Variants in CLIC5 observed in about 807,000 individuals in gnomAD.
CLIC5 encodes chloride intracellular channel protein 5.
Under a neutral mutation model 24.7 loss-of-function variants are expected in CLIC5, and 20 were observed. The observed-to-expected ratio is 0.81, with a 90% CI of 0.57 to 1.18. The LOEUF is 1.18. CLIC5 is among the 50% of genes most tolerant of loss of function. CLIC5 has a pLI of 0.00. For missense variants in CLIC5, 341 were observed against 326.1 expected, an observed-to-expected ratio of 1.05 and a Z score of -0.35; for synonymous variants, 159 against 135.6, an observed-to-expected ratio of 1.17 and a Z score of -1.20.
At position 45,891,808 on chromosome 6, in the gene CLIC5, G is replaced by A. The variant is rs1459342663; in HGVS notation, c.624-10620C>T. On this transcript the variant is annotated intron_variant, in intron 6 of 6. Coordinates refer to the CLIC5 transcript ENST00000644324. ...TTTTTATTGCAATGACTTTTGAATT[G>A]CATGACTTTTCTTTTACTGTGTATG... 2.6e-5 allele frequency among the ~76,000 whole-genome samples: 4 copies of A among 152,122 alleles called. No homozygotes were observed. The East Asian group carries it at 7.7e-4, about 29-fold the overall frequency.
At chr6:46,108,401 T>TGAGAGAGA in the CLIC5 span, among the ~76,000 whole-genome samples, 3 of 141,672 alleles carry the variant, frequency 2.1e-5, no homozygotes, top group Admixed American at 7.0e-5. Context: ...TGTGTGTGTG[T>TGAGAGAGA]GAGAGAGAGA....
chr6:45,992,411 A>T (rs1535109), intron 1 of CLIC5, among the ~76,000 whole-genome samples: 2 of 152,072 alleles, frequency 1.3e-5, no homozygotes, highest in Admixed American at 1.3e-4. Flanking sequence ...TAAGAATGAC[A>T]GTTTATTTTA....
chr6:46,058,048 C>T (rs1213583444), intron 1 of CLIC5, among the ~76,000 whole-genome samples: 2 of 151,718 alleles, frequency 1.3e-5, no homozygotes, highest in Non-Finnish European at 2.9e-5. Context: ...CTTCTCCACA[C>T]ATTATCACTT....
intron 4 of CLIC5, among the ~76,000 whole-genome samples, chr6:45,924,271 C>T (rs1011197203): frequency 3.9e-5 from 6 of 152,144 alleles, no homozygotes; most frequent in Non-Finnish European, 7.3e-5. Flanking sequence ...GTCCCCCAGC[C>T]GAAAGCCTTC....
In CLIC5 at chr6:46,008,874, C is replaced by T. The variant is rs183785700; in HGVS notation, c.63+6606G>A. On this transcript the variant is annotated intron_variant, in intron 1 of 5. Coordinates refer to ENST00000339561, the MANE Select transcript of CLIC5 (RefSeq NM_016929.5). ...CCTGTGAAATGCTTGTTTGAAGTAG[C>T]GACTGGACCATATTTTGTCCTTTTG... Among the ~76,000 whole-genome samples, 9 of 152,260 alleles carry T rather than the reference C, an allele frequency of 5.9e-5. No individual in the cohort carries two copies. The East Asian group carries it at 1.5e-3, about 26-fold the overall frequency.
chr6:46,045,975 C>T (rs1767941925), intron 1 of CLIC5, among the ~76,000 whole-genome samples: 2 of 152,164 alleles, frequency 1.3e-5, no homozygotes, highest in Non-Finnish European at 2.9e-5. Flanking sequence ...TGACAATCGC[C>T]TTACCTGTGT....
intron 5 of CLIC5, among the ~76,000 whole-genome samples, chr6:45,910,586 G>A (rs1762788831): frequency 6.6e-6 from 1 of 152,284 alleles, no homozygotes; most frequent in South Asian, 2.1e-4. Context: ...ATTTATTACA[G>A]TCCTTGCTTT....
At chr6:45,916,098 AG>A (rs1415534632) in intron 4 of CLIC5, among the ~76,000 whole-genome samples, 26 of 152,212 alleles carry the variant, frequency 1.7e-4, no homozygotes, top group African/African-American at 6.3e-4. Flanking sequence ...TTTTCATAGA[AG>A]GCCTTTTGTT....
Position 46,055,304 on chromosome 6 carries a change from C to T in CLIC5, c.540+24399G>A, listed in dbSNP as rs185980337. ...TTTTAGTAGAGACGGTGTTTCACCA[C>T]GTTGGCCAGGCTGGCTTGGAACTCC... On this transcript the variant is annotated intron_variant, in intron 1 of 5. Coordinates refer to the CLIC5 transcript ENST00000185206. Among the ~76,000 whole-genome samples the T allele has an allele frequency of 1.2e-4, 19 of 152,256 alleles. No individual in the cohort carries two copies. In the East Asian group the frequency reaches 1.6e-3, roughly 12 times the overall value.
chr6:46,057,322 A>G (rs1055378036), intron 1 of CLIC5, among the ~76,000 whole-genome samples: 30 of 152,208 alleles, frequency 2.0e-4, no homozygotes, highest in African/African-American at 7.2e-4. Flanking sequence ...TGGGTTTATC[A>G]GGAATTTCTG....
At chr6:45,924,507 T>G (rs571243767) in intron 4 of CLIC5, among the ~76,000 whole-genome samples, 2 of 152,316 alleles carry the variant, frequency 1.3e-5, no homozygotes, top group South Asian at 4.1e-4. Context: ...TTGCATCTCC[T>G]AAAGTTTGAA....
At chr6:45,997,123 G>A (rs1766173298) in intron 1 of CLIC5, among the ~76,000 whole-genome samples, 1 of 150,712 alleles carries the variant, frequency 6.6e-6, no homozygotes. Context: ...AACAATGATA[G>A]ACTGGATTAA....
intron 6 of CLIC5, among the ~76,000 whole-genome samples, chr6:45,891,574 T>TG (rs5875941): frequency 0.52 from 78,446 of 150,538 alleles, 21,181 homozygotes; most frequent in African/African-American, 0.67. Context: ...AGGCAGAGGT[T>TG]CAGTGAGGCG....
chr6:46,075,781 T>A (rs935327409), intron 1 of CLIC5, among the ~76,000 whole-genome samples: 1 of 152,160 alleles, frequency 6.6e-6, no homozygotes, highest in African/African-American at 2.4e-5. Context: ...TCACCACCCA[T>A]CCCCTCTCTT....
intron 1 of CLIC5, among the ~76,000 whole-genome samples, chr6:46,010,240 C>T (rs1215059955): frequency 1.3e-5 from 2 of 152,142 alleles, no homozygotes; most frequent in Non-Finnish European, 2.9e-5. Flanking sequence ...AGCCCAAGGG[C>T]TTTACTTTTA....
chr6:45,941,734 C>G (rs1764139685), intron 3 of CLIC5, 81 bp from the exon 4 acceptor site: 1 of 1,023,580 alleles, frequency 9.8e-7, no homozygotes, highest in Non-Finnish European at 1.5e-6. Context: ...TCATGATAAG[C>G]AATACTTCCC....
chr6:45,921,369 T>A (rs111270302), intron 4 of CLIC5, among the ~76,000 whole-genome samples: 7 of 152,214 alleles, frequency 4.6e-5, no homozygotes, highest in African/African-American at 1.7e-4. Context: ...AAACAGAGAA[T>A]CTGGGTCGAG....
chr6:45,899,203 G>A lies in CLIC5; in HGVS notation c.*3885C>T, dbSNP rs1360797680. On this transcript the variant is annotated 3_prime_UTR_variant, in exon 6 of 6. Transcript: ENST00000339561. ...TGTGCAGCAGGTCCTGTTCGCTTAA[G>A]TTTTCCTAACATCAGAATCAGGGTG... The A allele has an allele frequency of 6.6e-6, 1 of 152,126 alleles. No homozygotes were observed. The highest frequency in any genetic ancestry group is 1.5e-5 in the Non-Finnish European group (1 of 68,020). The allele number at this position is 152,126 out of a possible 1,614,324, so 9.4% of individuals were successfully genotyped here.
intron 2 of CLIC5, 27 bp from the exon 3 acceptor site, chr6:45,949,408 T>C (rs1411889739): frequency 2.5e-6 from 4 of 1,606,716 alleles, no homozygotes; most frequent in Non-Finnish European, 2.6e-6. Flanking sequence ...ATTCAGGTGT[T>C]GGCTTACAGC....
Sources: gnomAD v4.1 joint callset for allele counts (sites outside exome capture counted in the v4.1 genomes callset) on GRCh38, gnomAD v4.1.1 for gene constraint, MANE v1.5 for transcripts, NCBI Gene and HGNC (gene_info 2026-07-23, HGNC 2026-07-21) for gene names.